MAD1L1: variants seen among roughly 807,000 people sequenced by gnomAD.
MAD1L1 encodes mitotic arrest deficient 1 like 1.
A neutral mutation model predicts 96.9 loss-of-function variants in MAD1L1; 95 were observed. The observed-to-expected ratio is 0.98, with a 90% CI of 0.83 to 1.16. The LOEUF is 1.16. MAD1L1 is among the 50% of genes most tolerant of loss of function. The pLI, the probability that MAD1L1 is intolerant of heterozygous loss-of-function variation, is 0.00. For missense variants in MAD1L1, 1,007 were observed against 954.4 expected (o/e 1.06, Z -0.73); for synonymous variants, 473 against 396.6 (o/e 1.19, Z -2.29).
intron 12 of MAD1L1, among the ~76,000 whole-genome samples, chr7:2,065,174 C>T (rs1346102423): frequency 6.6e-6 from 1 of 152,182 alleles, no homozygotes; most frequent in African/African-American, 2.4e-5. Context: ...TGCATTCTGC[C>T]CCCTATTTAA....
intron 18 of MAD1L1, among the ~76,000 whole-genome samples, chr7:1,839,552 A>G (rs62435124): frequency 0.44 from 66,397 of 152,002 alleles, 14,965 homozygotes; most frequent in African/African-American, 0.53. Context: ...AATGTCGTGG[A>G]GAACTGGACG....
At chr7:1,857,161 G>A (rs1784298334) in intron 18 of MAD1L1, among the ~76,000 whole-genome samples, 1 of 152,198 alleles carries the variant, frequency 6.6e-6, no homozygotes, top group Admixed American at 6.5e-5. Flanking sequence ...CAGAGCCACG[G>A]TTTCTTAGGC....
At chr7:1,984,470 T>C (rs1404448887) in intron 14 of MAD1L1, among the ~76,000 whole-genome samples, 2 of 152,274 alleles carry the variant, frequency 1.3e-5, no homozygotes, top group African/African-American at 2.4e-5. Flanking sequence ...CCACTTGCTA[T>C]ATCGCAGATT....
chr7:2,216,406 G>T, intron 7 of MAD1L1, 119 bp from the exon 8 acceptor site: 1 of 987,642 alleles, frequency 1.0e-6, no homozygotes. Context: ...CACACTGCAG[G>T]ATCCAACCAC....
At chr7:1,910,645 G>A (rs1051935842) in intron 17 of MAD1L1, among the ~76,000 whole-genome samples, 2 of 152,194 alleles carry the variant, frequency 1.3e-5, no homozygotes, top group South Asian at 2.1e-4. Context: ...TAGAGCTCAC[G>A]AGCATCTGAG....
At chr7:1,863,352 A>G (rs1270506003) in intron 18 of MAD1L1, among the ~76,000 whole-genome samples, 1 of 152,246 alleles carries the variant, frequency 6.6e-6, no homozygotes, top group Non-Finnish European at 1.5e-5. Flanking sequence ...GTCTGGCTGC[A>G]GAAAGGCAGC....
chr7:1,904,079 T>C (rs1787455065), intron 17 of MAD1L1, among the ~76,000 whole-genome samples: 1 of 123,982 alleles, frequency 8.1e-6, no homozygotes, highest in South Asian at 2.8e-4. Flanking sequence ...GAGGATGCAG[T>C]GGCCTACTGA....
chr7:2,066,027 T>C (rs1003629169), intron 12 of MAD1L1, among the ~76,000 whole-genome samples: 8 of 152,234 alleles, frequency 5.3e-5, no homozygotes, highest in Non-Finnish European at 1.0e-4. Context: ...CTGCTTAAAA[T>C]AGTCATGATA....
chr7:2,230,023 G>A lies in MAD1L1; in HGVS notation c.111C>T (p.Ala37=). The A allele has an allele frequency of 3.1e-6, 5 of 1,613,626 alleles. No individual in the cohort carries two copies. Among genetic ancestry groups the A allele is most frequent in the Non-Finnish European group, 4.2e-6 (5 of 1,180,006 alleles). The part of the protein sequence containing the change: ...GGSGLDISTS[A]PGSLQMQYQQ... ...GGTACTGCATCTGCAGAGAACCTGGGGCCGAGGTAGAAATATCCAGTCCAG... is the reference window on the plus strand; with the variant it reads ...GGTACTGCATCTGCAGAGAACCTGGAGCCGAGGTAGAAATATCCAGTCCAG... The change falls in exon 3 of 19, where the codon GCC becomes GCT. Residue 37 remains alanine, a synonymous_variant. Transcript: ENST00000265854.
intron 18 of MAD1L1, among the ~76,000 whole-genome samples, chr7:1,871,744 A>AGG (rs1487056807): frequency 4.6e-5 from 7 of 151,198 alleles, no homozygotes; most frequent in Non-Finnish European, 8.9e-5. Context: ...AACCCAACAT[A>AGG]CGCCTGCCAC....
At chr7:1,918,024 CA>C (rs1212669478) in intron 17 of MAD1L1, among the ~76,000 whole-genome samples, 3 of 152,188 alleles carry the variant, frequency 2.0e-5, no homozygotes, top group Non-Finnish European at 4.4e-5. Context: ...TGTATCCCTA[CA>C]ACCTGAATCG....
rs1446327266 is a variant in MAD1L1, at chr7:2,142,060, AG to A, written c.1073+7091del. Among the ~76,000 whole-genome samples, 5 of 152,178 alleles carry A rather than the reference AG, an allele frequency of 3.3e-5. No individual in the cohort carries two copies. The highest frequency in any genetic ancestry group is 9.7e-5 in the African/African-American group (4 of 41,450). The stretch of plus-strand genomic sequence containing the variant: ...GCACTCTGGGGCACCTGACTCACTG[AG>A]GGGTCCATGTTCAAGTGCATGGTGC... On this transcript the variant is annotated intron_variant, in intron 11 of 18. Transcript: ENST00000265854. This position sits in a 1 kb window ranked among gnomAD's most constrained non-coding sequence, Gnocchi z 4.7.
chr7:1,972,906 C>T (rs543357039), intron 15 of MAD1L1, among the ~76,000 whole-genome samples: 207 of 152,162 alleles, frequency 1.4e-3, no homozygotes, highest in Non-Finnish European at 2.4e-3. Context: ...ACCTCCTCCC[C>T]CACACGGGCA....
chr7:2,152,423 A>G (rs938489680), intron 10 of MAD1L1, among the ~76,000 whole-genome samples: 3 of 151,512 alleles, frequency 2.0e-5, no homozygotes, highest in African/African-American at 7.3e-5. Flanking sequence ...GCGCTGAAAA[A>G]CCCGCAGTCA....
chr7:1,831,064 A>G (rs1270625539), intron 18 of MAD1L1, among the ~76,000 whole-genome samples: 2 of 152,290 alleles, frequency 1.3e-5, no homozygotes, highest in African/African-American at 4.8e-5. Context: ...TGCTCACAGA[A>G]GCCAATTCGC....
intron 3 of MAD1L1, among the ~76,000 whole-genome samples, chr7:2,227,946 T>A (rs1793989483): frequency 6.6e-6 from 1 of 152,026 alleles, no homozygotes; most frequent in Admixed American, 6.5e-5. Flanking sequence ...CAACACGATG[T>A]GTGAGAAACC....
At chr7:1,982,721 T>C (rs925915576) in intron 14 of MAD1L1, among the ~76,000 whole-genome samples, 1 of 152,258 alleles carries the variant, frequency 6.6e-6, no homozygotes, top group Admixed American at 6.5e-5. Context: ...TTTGGATGAC[T>C]AGTATCTCCA....
intron 11 of MAD1L1, among the ~76,000 whole-genome samples, chr7:2,147,650 C>G (rs1347644630): frequency 6.6e-6 from 1 of 152,234 alleles, no homozygotes; most frequent in African/African-American, 2.4e-5. Flanking sequence ...GGTGCCCCAG[C>G]TCTCAGAGGG....
At position 2,203,334 on chromosome 7, in the gene MAD1L1, T is replaced by G. The variant is rs78442775; in HGVS notation, c.986+9878A>C. ...CTTTGAAGATGCCTGCTCTCCTCAC[T>G]GTACTGTGACTTCGAGCTGAATCTC... On this transcript the variant is annotated intron_variant, in intron 10 of 18. Coordinates refer to ENST00000265854, the MANE Select transcript of MAD1L1 (RefSeq NM_001013836.2). Among the ~76,000 whole-genome samples the G allele has an allele frequency of 3.4e-3, 511 of 152,344 alleles. 2 individuals are homozygous for G. The highest frequency in any genetic ancestry group is 8.5e-3 in the South Asian group (41 of 4,824).
Sources: gnomAD v4.1 joint callset for allele counts (sites outside exome capture counted in the v4.1 genomes callset) on GRCh38, gnomAD v4.1.1 for gene constraint, Gnocchi (gnomAD v3.1) non-coding constraint, MANE v1.5 for transcripts, NCBI Gene and HGNC (gene_info 2026-07-23, HGNC 2026-07-21) for gene names.